HSF2: variants seen among roughly 807,000 people sequenced by gnomAD.
HSF2 encodes the protein heat shock transcription factor 2.
In HSF2, 21 loss-of-function variants were observed where a neutral mutation model predicts 65.0. That is an observed-to-expected ratio of 0.32 (90% confidence interval 0.23 to 0.47). HSF2 has a LOEUF of 0.47. Ranked by LOEUF, HSF2 falls within the 20% of genes least tolerant of loss-of-function variation. HSF2 has a pLI of 1.00. For missense variants in HSF2, 499 were observed against 628.1 expected (o/e 0.79, Z 2.20); for synonymous variants, 225 against 219.1 (o/e 1.03, Z -0.24).
chr6:122,399,883 T>G, intron 1 of HSF2, 53 bp downstream of exon 1: 1 of 1,328,786 alleles, frequency 7.5e-7, no homozygotes, highest in Non-Finnish European at 1.1e-6. Context: ...GCCTCCTCAC[T>G]CGCTCTCCTG....
chr6:122,423,126 A>G (rs1461044056), intron 9 of HSF2, among the ~76,000 whole-genome samples, 169 bp downstream of exon 9: 1 of 152,168 alleles, frequency 6.6e-6, no homozygotes, highest in Non-Finnish European at 1.5e-5. Flanking sequence ...AATCATCCCA[A>G]GAATAGTCTT....
chr6:122,414,653 G>A (rs1165655116), intron 4 of HSF2, among the ~76,000 whole-genome samples: 1 of 152,120 alleles, frequency 6.6e-6, no homozygotes, highest in Non-Finnish European at 1.5e-5. Context: ...TTTTGAGACA[G>A]TCTCACTCTG....
At chr6:122,416,478 T>G (rs759180444) in intron 5 of HSF2, among the ~76,000 whole-genome samples, 182 bp downstream of exon 5, 9 of 152,214 alleles carry the variant, frequency 5.9e-5, no homozygotes, top group Non-Finnish European at 5.9e-5. Flanking sequence ...AATAAAAAAT[T>G]TCTCACTAGC....
intron 5 of HSF2, among the ~76,000 whole-genome samples, chr6:122,416,774 T>C (rs1264619610): frequency 1.3e-5 from 2 of 152,200 alleles, no homozygotes; most frequent in Admixed American, 1.3e-4. Flanking sequence ...TATTAGTCTG[T>C]GGAGAAAAGC....
chr6:122,429,529 C>G (rs1450441922), intron 11 of HSF2, among the ~76,000 whole-genome samples: 4 of 152,044 alleles, frequency 2.6e-5, no homozygotes, highest in Admixed American at 6.6e-5. Context: ...ACAACACTTT[C>G]CTAATAAATC....
At position 122,432,562 on chromosome 6, in the gene HSF2, T is replaced by C. The variant is rs1774499519; in HGVS notation, c.*342T>C. Reference sequence around the variant, plus strand: ...TTTTGTTTGTTTTCCTGTTTGATGCTGTCTATTTGCATTGAGTGTAAGTCA... The same window carrying C: ...TTTTGTTTGTTTTCCTGTTTGATGCCGTCTATTTGCATTGAGTGTAAGTCA... On this transcript the variant is annotated 3_prime_UTR_variant, in exon 13 of 13. Coordinates refer to ENST00000368455, the MANE Select transcript of HSF2 (RefSeq NM_004506.4). 9.0e-6 allele frequency: 2 copies of C among 221,452 alleles called. No homozygotes were observed. Among genetic ancestry groups the C allele is most frequent in the South Asian group, 1.4e-4 (2 of 14,510 alleles). The allele number at this position is 221,452 out of a possible 1,614,324, so 13.7% of individuals were successfully genotyped here.
chr6:122,413,799 G>A (rs1774057121), intron 4 of HSF2, 150 bp downstream of exon 4: 1 of 668,092 alleles, frequency 1.5e-6, no homozygotes, highest in Non-Finnish European at 2.6e-6. Flanking sequence ...GCAAGTATTG[G>A]TTCCCTTTAC....
intron 11 of HSF2, among the ~76,000 whole-genome samples, chr6:122,429,563 A>G (rs1284790036): frequency 6.6e-6 from 1 of 152,110 alleles, no homozygotes; most frequent in Non-Finnish European, 1.5e-5. Context: ...TTCTCAGTAC[A>G]GCAATCTTAA....
In HSF2 at chr6:122,409,925, T is replaced by TC. The variant is rs1343349724; in HGVS notation, c.94-2442dup. 3.9e-5 allele frequency among the ~76,000 whole-genome samples: 6 copies of TC among 152,066 alleles called. No homozygotes were observed. In the East Asian group the frequency reaches 9.6e-4, roughly 24 times the overall value. Reference sequence around the variant, plus strand: ...TCTTAATCCTTTTCTTTCCTGATTATCCCCCCATTTGAATGCCATCTTGAC... The same window carrying TC: ...TCTTAATCCTTTTCTTTCCTGATTATCCCCCCCATTTGAATGCCATCTTGAC... On this transcript the variant is annotated intron_variant, in intron 1 of 12. Coordinates refer to ENST00000368455, the MANE Select transcript of HSF2 (RefSeq NM_004506.4).
chr6:122,415,722 A>T (rs1252971611), intron 4 of HSF2, among the ~76,000 whole-genome samples: 1 of 152,120 alleles, frequency 6.6e-6, no homozygotes, highest in African/African-American at 2.4e-5. Context: ...TTAGGAAGGA[A>T]TGATTCTGGT....
At chr6:122,421,443 G>A (rs905105665) in intron 7 of HSF2, among the ~76,000 whole-genome samples, 7 of 151,944 alleles carry the variant, frequency 4.6e-5, no homozygotes, top group African/African-American at 1.7e-4. Context: ...GCTCATGTAA[G>A]TGGATGAAGA....
At position 122,416,316 on chromosome 6, in the gene HSF2, A is replaced by G. The variant is rs1774127452; in HGVS notation, c.531+20A>G. On this transcript the variant is annotated intron_variant, in intron 5 of 12. Transcript: ENST00000368455. ...CGAAAGGTAAGAAGCTCTTTTCCCC[A>G]GGACCATAATTTGCATTTGTTTAAT... 1 of 1,574,942 alleles carries G rather than the reference A, an allele frequency of 6.3e-7. No homozygotes were observed. The highest frequency in any genetic ancestry group is 1.1e-5 in the South Asian group (1 of 89,912).
At chr6:122,414,632 GT>G (rs1168257900) in intron 4 of HSF2, among the ~76,000 whole-genome samples, 1 of 151,906 alleles carries the variant, frequency 6.6e-6, no homozygotes, top group Non-Finnish European at 1.5e-5. Flanking sequence ...CTTTTTGTTT[GT>G]TTGTTTTTGT....
chr6:122,424,253 C>T (rs1242722389), intron 10 of HSF2, among the ~76,000 whole-genome samples: 1 of 151,950 alleles, frequency 6.6e-6, no homozygotes, highest in Non-Finnish European at 1.5e-5. Flanking sequence ...CACTAACCAC[C>T]TTTCTTACTC....
chr6:122,411,722 A>G (rs1773999576), intron 1 of HSF2, among the ~76,000 whole-genome samples: 2 of 151,910 alleles, frequency 1.3e-5, no homozygotes, highest in African/African-American at 4.8e-5. Context: ...ACTGTTGTCA[A>G]AAATCCTTTG....
At chr6:122,423,456 A>G (rs1582618770) in intron 9 of HSF2, 125 bp from the exon 10 acceptor site, 3 of 509,616 alleles carry the variant, frequency 5.9e-6, no homozygotes, top group East Asian at 6.2e-5. Context: ...ATCTCTTAAG[A>G]TTAAGAACCG....
intron 4 of HSF2, among the ~76,000 whole-genome samples, chr6:122,415,428 G>T: frequency 6.6e-6 from 1 of 151,942 alleles, no homozygotes; most frequent in Non-Finnish European, 1.5e-5. Flanking sequence ...TTATTTCTTG[G>T]TGGTTTTTAG....
At chr6:122,428,759 T>G (rs930848360) in intron 11 of HSF2, among the ~76,000 whole-genome samples, 1 of 151,954 alleles carries the variant, frequency 6.6e-6, no homozygotes, top group Non-Finnish European at 1.5e-5. Flanking sequence ...ATATAAGTGA[T>G]TAGGGTGAGG....
intron 5 of HSF2, among the ~76,000 whole-genome samples, chr6:122,418,339 A>G (rs991224622): frequency 3.9e-5 from 6 of 152,208 alleles, no homozygotes; most frequent in African/African-American, 7.2e-5. Flanking sequence ...TTTTCTAAAC[A>G]TACTGGATCC....
Sources: gnomAD v4.1 joint callset for allele counts (sites outside exome capture counted in the v4.1 genomes callset) on GRCh38, gnomAD v4.1.1 for gene constraint, MANE v1.5 for transcripts, NCBI Gene and HGNC (gene_info 2026-07-23, HGNC 2026-07-21) for gene names.